The following THSD7B variants were observed in gnomAD, a reference collection of about 807,000 sequenced individuals.
The protein encoded by THSD7B is thrombospondin type-1 domain-containing protein 7B.
Under a neutral mutation model 213.6 loss-of-function variants are expected in THSD7B, and 138 were observed. The ratio of observed to expected loss-of-function variants is 0.65; its 90% confidence interval spans 0.56 to 0.74. The LOEUF (loss-of-function observed/expected upper bound fraction) is 0.74. THSD7B is among the 30% of genes least tolerant of loss of function. The probability of loss-of-function intolerance (pLI) is 0.00; values close to 1 mark genes in which losing one functional copy is unlikely to be tolerated. For missense variants in THSD7B, 1,931 were observed against 1,991.5 expected, an observed-to-expected ratio of 0.97 and a Z score of 0.58; for synonymous variants, 742 against 687.0, an observed-to-expected ratio of 1.08 and a Z score of -1.25.
intron 12 of THSD7B, among the ~76,000 whole-genome samples, chr2:137,401,338 G>A (rs1417115434): frequency 6.6e-6 from 1 of 152,056 alleles, no homozygotes; most frequent in East Asian, 1.9e-4. Context: ...TGTGTGCTTT[G>A]CTGATTTTCC....
chr2:137,442,883 A>T (rs1386749597), intron 14 of THSD7B, among the ~76,000 whole-genome samples: 1 of 152,178 alleles, frequency 6.6e-6, no homozygotes, highest in African/African-American at 2.4e-5. Flanking sequence ...TAATGAGAAG[A>T]CTTCATATAG....
chr2:136,921,219 C>CAA lies in THSD7B; in HGVS notation c.139+38920_139+38921dup, dbSNP rs778515013. Among the ~76,000 whole-genome samples the CAA allele has an allele frequency of 3.9e-4, 38 of 96,508 alleles. 1 individual carries two copies. Among genetic ancestry groups the CAA allele is most frequent in the South Asian group, 1.7e-3 (5 of 2,986 alleles). The allele number at this position is 96,508 out of a possible 152,430, so 63.3% of individuals were successfully genotyped here. A position where few individuals can be genotyped will look rare whatever the true frequency, so the allele number is the denominator to read the frequency against. On this transcript the variant is annotated intron_variant, in intron 2 of 27. Transcript: ENST00000409968. The stretch of plus-strand genomic sequence containing the variant: ...CCATCACTGCCATCATCTGGACACT[C>CAA]AAAAAAAAAAAAAAAAAAACCACAT...
chr2:137,014,340 C>T (rs1351471958), intron 2 of THSD7B, among the ~76,000 whole-genome samples: 1 of 152,138 alleles, frequency 6.6e-6, no homozygotes. Flanking sequence ...AATAATTTTG[C>T]ATAATAAATG....
intron 14 of THSD7B, 115 bp downstream of exon 14, chr2:137,411,987 G>T (rs1187718228): frequency 1.7e-6 from 2 of 1,206,792 alleles, no homozygotes; most frequent in Non-Finnish European, 2.3e-6. Context: ...ATTTTCCTTT[G>T]TCAATAACAC....
At chr2:137,506,815 C>T (rs184573253) in intron 15 of THSD7B, among the ~76,000 whole-genome samples, 7 of 152,182 alleles carry the variant, frequency 4.6e-5, no homozygotes, top group African/African-American at 1.2e-4. Flanking sequence ...ATGACCCAGC[C>T]TCCGGGCTCA....
At chr2:137,316,542 G>A (rs1014832653) in intron 12 of THSD7B, among the ~76,000 whole-genome samples, 1 of 152,138 alleles carries the variant, frequency 6.6e-6, no homozygotes, top group Admixed American at 6.5e-5. Flanking sequence ...TTGGGAGGTC[G>A]AGGTGGGAGG....
At chr2:137,383,176 TC>T (rs574975890) in intron 12 of THSD7B, among the ~76,000 whole-genome samples, 124 of 152,170 alleles carry the variant, frequency 8.1e-4, no homozygotes, top group Non-Finnish European at 1.5e-3. Context: ...AAGGATGACC[TC>T]CTCCAACCAA....
Position 137,572,550 on chromosome 2 carries a change from C to T in THSD7B, c.3417C>T (p.Cys1139=). ...CTGAGTGGGGACTTTGGAGCAAATG[C>T]CCACAGGTAATTTCTCTTTCTTTGT... is the stretch of plus-strand genomic sequence containing the variant. ...VMSEWGLWSK[C]PQSCDPHTMQ... is the part of the protein sequence containing the mutation. Residue 1139 remains cysteine (C), a synonymous_variant, in exon 17 of 28, where the codon TGC becomes TGT. Coordinates refer to ENST00000409968, the MANE Select transcript of THSD7B (RefSeq NM_001316349.2). 1.2e-6 allele frequency: 2 copies of T among 1,613,672 alleles called. No homozygotes were observed. Among genetic ancestry groups the T allele is most frequent in the African/African-American group, 1.3e-5 (1 of 75,008 alleles).
Position 137,271,374 on chromosome 2 carries a change from C to CAT in THSD7B, c.2267-1146_2267-1145dup, listed in dbSNP as rs199519161. Among the ~76,000 whole-genome samples, 1,247 of 137,496 alleles carry CAT rather than the reference C, an allele frequency of 9.1e-3. 63 individuals are homozygous for CAT. The highest frequency in any genetic ancestry group is 0.03 in the African/African-American group (1,131 of 37,916). 90.2% of individuals were successfully genotyped at this position (137,496 alleles called of 152,430 possible). On this transcript the variant is annotated intron_variant, in intron 10 of 27. Coordinates refer to ENST00000409968, the MANE Select transcript of THSD7B (RefSeq NM_001316349.2). Reference sequence around the variant, plus strand: ...TTCCTTGGCCTGAAATGGCTTCATTCATATATATATATATTATGAATTATA... The same window carrying CAT: ...TTCCTTGGCCTGAAATGGCTTCATTCATATATATATATATATTATGAATTATA...
intron 2 of THSD7B, among the ~76,000 whole-genome samples, chr2:136,905,555 A>G (rs1015306146): frequency 6.6e-6 from 1 of 152,230 alleles, no homozygotes; most frequent in Non-Finnish European, 1.5e-5. Flanking sequence ...AGACCATGTC[A>G]TTGGTCCTAA....
intron 3 of THSD7B, among the ~76,000 whole-genome samples, chr2:137,072,202 T>C (rs1687507826): frequency 6.6e-6 from 1 of 152,164 alleles, no homozygotes; most frequent in South Asian, 2.1e-4. Flanking sequence ...TTGGGCAGTA[T>C]GGCCATTTTC....
intron 15 of THSD7B, among the ~76,000 whole-genome samples, chr2:137,526,839 G>T (rs906198963): frequency 1.3e-5 from 2 of 152,258 alleles, no homozygotes; most frequent in African/African-American, 4.8e-5. Context: ...GAGGGGAGGT[G>T]TCTTGGAGGT....
At chr2:137,560,275 A>G (rs547400279) in intron 15 of THSD7B, among the ~76,000 whole-genome samples, 182 of 152,268 alleles carry the variant, frequency 1.2e-3, no homozygotes, top group Middle Eastern at 3.4e-3. Flanking sequence ...TGTTTATTGC[A>G]GCACTACTCA....
At chr2:137,457,812 T>G (rs1687791947) in intron 15 of THSD7B, among the ~76,000 whole-genome samples, 1 of 152,156 alleles carries the variant, frequency 6.6e-6, no homozygotes, top group Non-Finnish European at 1.5e-5. Flanking sequence ...CAGAGGACTT[T>G]AAAAAGTTTG....
intron 22 of THSD7B, among the ~76,000 whole-genome samples, chr2:137,655,992 C>A (rs1300260470): frequency 6.6e-6 from 1 of 152,156 alleles, no homozygotes; most frequent in East Asian, 1.9e-4. Flanking sequence ...CCGTATCCAA[C>A]AGCACCTAGC....
At chr2:137,240,558 T>C (rs1005356006) in intron 9 of THSD7B, among the ~76,000 whole-genome samples, 2 of 152,138 alleles carry the variant, frequency 1.3e-5, no homozygotes, top group African/African-American at 4.8e-5. Context: ...GTCCAGGCTC[T>C]GGAGTGCAGG....
intron 12 of THSD7B, among the ~76,000 whole-genome samples, chr2:137,362,407 C>A (rs1040187513): frequency 2.0e-5 from 3 of 152,132 alleles, no homozygotes; most frequent in African/African-American, 7.2e-5. Flanking sequence ...TGTGAATGGG[C>A]TAAATGCCCC....
At chr2:137,468,134 C>T (rs1008633958) in intron 15 of THSD7B, among the ~76,000 whole-genome samples, 2 of 152,042 alleles carry the variant, frequency 1.3e-5, no homozygotes, top group Non-Finnish European at 2.9e-5. Context: ...TTTAGTAATG[C>T]TTGTAACAAT....
intron 2 of THSD7B, among the ~76,000 whole-genome samples, chr2:137,055,512 A>G (rs1687147399): frequency 6.6e-6 from 1 of 152,214 alleles, no homozygotes; most frequent in Admixed American, 6.5e-5. Context: ...AAAGATACCA[A>G]CTTTCTGGAT....
Sources: gnomAD v4.1 joint callset for allele counts (sites outside exome capture counted in the v4.1 genomes callset) on GRCh38, gnomAD v4.1.1 for gene constraint, MANE v1.5 for transcripts, NCBI Gene and HGNC (gene_info 2026-07-23, HGNC 2026-07-21) for gene names.